Variants in SLC35F3 observed in about 807,000 individuals in gnomAD.
SLC35F3 encodes the protein solute carrier family 35 member F3.
A neutral mutation model predicts 49.9 loss-of-function variants in SLC35F3; 25 were observed. The ratio of observed to expected loss-of-function variants is 0.50; its 90% CI spans 0.37 to 0.70. The LOEUF (loss-of-function observed/expected upper bound fraction) is 0.70. SLC35F3 is among the 30% of genes least tolerant of loss of function. SLC35F3 has a pLI of 0.00. For synonymous variants in SLC35F3, 275 were observed against 265.4 expected (o/e 1.04, Z -0.35); for missense variants, 525 against 639.8 (o/e 0.82, Z 1.94).
At chr1:234,206,390 G>C (rs923012904) in intron 2 of SLC35F3, among the ~76,000 whole-genome samples, 2 of 150,738 alleles carry the variant, frequency 1.3e-5, no homozygotes, top group Non-Finnish European at 3.0e-5. Flanking sequence ...GTGCCCAGAG[G>C]CATCCGGCAC....
At chr1:234,169,205 C>T (rs1016483222) in intron 2 of SLC35F3, among the ~76,000 whole-genome samples, 6 of 152,298 alleles carry the variant, frequency 3.9e-5, no homozygotes, top group African/African-American at 1.4e-4. Context: ...GATGCCCACC[C>T]GCATTGGCAA....
In SLC35F3 at chr1:233,969,070, G is replaced by GA. The variant is rs1553292585; in HGVS notation, c.283+63313dup. On this transcript the variant is annotated intron_variant, in intron 2 of 7. Transcript: ENST00000366618. ...AATTTTGACATATTTTGGGGGGGGG[G>GA]ACACAATTCAACCCATAACATAGAG... 4.1e-5 allele frequency among the ~76,000 whole-genome samples: 6 copies of GA among 146,178 alleles called. 1 individual carries two copies. The highest frequency in any genetic ancestry group is 1.5e-4 in the African/African-American group (6 of 39,342).
intron 2 of SLC35F3, among the ~76,000 whole-genome samples, chr1:234,069,080 ATATATAT>A (rs1283008663): frequency 1.7e-5 from 1 of 60,118 alleles, no homozygotes; most frequent in Non-Finnish European, 3.1e-5. Context: ...ATTATATGCA[ATATATAT>A]TATATATTAT....
At chr1:234,154,360 A>G (rs1053636381) in intron 2 of SLC35F3, among the ~76,000 whole-genome samples, 14 of 152,250 alleles carry the variant, frequency 9.2e-5, no homozygotes, top group African/African-American at 3.4e-4. Flanking sequence ...GGAAATCTCA[A>G]TATGAACTCA....
intron 2 of SLC35F3, among the ~76,000 whole-genome samples, chr1:234,065,133 G>A (rs1664598385): frequency 6.6e-6 from 1 of 151,752 alleles, no homozygotes; most frequent in South Asian, 2.1e-4. Flanking sequence ...AAAGTGATGT[G>A]AGATCTACTG....
At chr1:234,002,371 A>G (rs537610870) in intron 2 of SLC35F3, among the ~76,000 whole-genome samples, 2 of 152,234 alleles carry the variant, frequency 1.3e-5, no homozygotes, top group South Asian at 4.1e-4. Context: ...TATTGCCATC[A>G]TGTCCCCTTA....
intron 3 of SLC35F3, among the ~76,000 whole-genome samples, chr1:234,280,332 T>G (rs1418632726): frequency 2.0e-5 from 3 of 152,250 alleles, no homozygotes; most frequent in Admixed American, 6.5e-5. Context: ...CTCAGATGCC[T>G]AAGCACATTG....
intron 2 of SLC35F3, among the ~76,000 whole-genome samples, chr1:234,010,275 A>G (rs1663695313): frequency 6.6e-6 from 1 of 152,216 alleles, no homozygotes; most frequent in Admixed American, 6.5e-5. Context: ...TTATGTTGTT[A>G]TCAGCTTGAA....
intron 3 of SLC35F3, among the ~76,000 whole-genome samples, chr1:234,287,722 C>A (rs1311890065): frequency 3.9e-5 from 6 of 152,130 alleles, no homozygotes; most frequent in Non-Finnish European, 8.8e-5. Context: ...GCTCTAGGGC[C>A]CATCAATGAA....
At chr1:234,287,509 G>A (rs1038721832) in intron 3 of SLC35F3, among the ~76,000 whole-genome samples, 7 of 152,144 alleles carry the variant, frequency 4.6e-5, no homozygotes, top group Non-Finnish European at 1.0e-4. Flanking sequence ...AATAATAATA[G>A]TAGCTAACAT....
In SLC35F3 at chr1:234,162,864, A is replaced by T. The variant is rs183817673; in HGVS notation, c.284-68553A>T. On this transcript the variant is annotated intron_variant, in intron 2 of 7. Coordinates refer to ENST00000366618, the MANE Select transcript of SLC35F3 (RefSeq NM_173508.4). ...TGTGCATATTTCTCTCAGGAATTCA[A>T]GGTGTGAAGATAGCTTAGTCATTGC... is the stretch of plus-strand genomic sequence containing the variant. Among the ~76,000 whole-genome samples, 11 of 152,332 alleles carry T rather than the reference A, an allele frequency of 7.2e-5. No individual in the cohort carries two copies. The East Asian group carries it at 1.9e-3, about 27-fold the overall frequency.
rs890419762 is a variant in SLC35F3 at position 234,231,319 on chromosome 1, C to G, written c.284-98C>G. ...TGCACCCGCTATCTCCCCGGGCCCC[C>G]AGGTAGCTGGTGGTGACAATGGCTG... On this transcript the variant is annotated intron_variant, in intron 2 of 7. Transcript: ENST00000366618. This position sits in a 1 kb window ranked among gnomAD's most constrained non-coding sequence, Gnocchi z 5.4. 2.8e-6 allele frequency: 3 copies of G among 1,062,316 alleles called. No homozygotes were observed. The highest frequency in any genetic ancestry group is 6.0e-5 in the Admixed American group (2 of 33,264). The allele number at this position is 1,062,316 out of a possible 1,614,324, so 65.8% of individuals were successfully genotyped here. A position where few individuals can be genotyped will look rare whatever the true frequency, so the allele number is the denominator to read the frequency against.
chr1:234,242,002 G>C (rs898504705), intron 3 of SLC35F3, among the ~76,000 whole-genome samples: 1 of 152,172 alleles, frequency 6.6e-6, no homozygotes, highest in South Asian at 2.1e-4. Context: ...CAGGGTAAAG[G>C]CTTTTTGGCA....
intron 2 of SLC35F3, among the ~76,000 whole-genome samples, chr1:234,229,176 G>A (rs576345256): frequency 6.6e-6 from 1 of 152,290 alleles, no homozygotes; most frequent in African/African-American, 2.4e-5. Flanking sequence ...CTACAGCAAA[G>A]GAACCTGTCT....
At chr1:234,314,564 CA>C (rs1448448631) in intron 4 of SLC35F3, among the ~76,000 whole-genome samples, 2 of 152,104 alleles carry the variant, frequency 1.3e-5, no homozygotes, top group East Asian at 3.9e-4. Context: ...AGTTTGAGAC[CA>C]GCCTGGCCAA....
At chr1:234,249,047 C>T (rs987895336) in intron 3 of SLC35F3, among the ~76,000 whole-genome samples, 1 of 152,192 alleles carries the variant, frequency 6.6e-6, no homozygotes, top group African/African-American at 2.4e-5. Context: ...AGGAAGCAAC[C>T]CACTGGCCAG....
chr1:234,279,007 T>C (rs149442551), intron 3 of SLC35F3, among the ~76,000 whole-genome samples: 1 of 152,282 alleles, frequency 6.6e-6, no homozygotes, highest in African/African-American at 2.4e-5. Flanking sequence ...CCTGACAGCC[T>C]CACGAGGTCC....
chr1:234,299,201 G>A (rs545173897), intron 3 of SLC35F3, among the ~76,000 whole-genome samples: 11 of 152,162 alleles, frequency 7.2e-5, no homozygotes, highest in Non-Finnish European at 1.6e-4. Context: ...CTGAATGTTT[G>A]GGATCAGACA....
intron 2 of SLC35F3, among the ~76,000 whole-genome samples, chr1:233,910,705 A>G (rs1444832860): frequency 6.6e-6 from 1 of 152,234 alleles, no homozygotes; most frequent in Non-Finnish European, 1.5e-5. Context: ...CATTTTACGA[A>G]TAGCTTTTTT....
Sources: gnomAD v4.1 joint callset for allele counts (sites outside exome capture counted in the v4.1 genomes callset) on GRCh38, gnomAD v4.1.1 for gene constraint, Gnocchi (gnomAD v3.1) non-coding constraint, MANE v1.5 for transcripts, NCBI Gene and HGNC (gene_info 2026-07-23, HGNC 2026-07-21) for gene names.